The following STON2 variants were observed in gnomAD, a reference collection of about 807,000 sequenced individuals.
The protein encoded by STON2 is stonin-2.
In STON2, 29 loss-of-function variants were observed where a neutral mutation model predicts 65.7. That is an observed-to-expected ratio of 0.44 (90% CI 0.33 to 0.60). The LOEUF (loss-of-function observed/expected upper bound fraction) is 0.60, where lower values mean the gene tolerates loss of function less well. Among genes scored for constraint, STON2 ranks in the 20% least tolerant of loss-of-function variants. The pLI, the probability that STON2 is intolerant of heterozygous loss-of-function variation, is 0.03. For synonymous variants in STON2, 404 were observed against 414.2 expected (o/e 0.98, Z 0.30); for missense variants, 1,054 against 1,118.1 (o/e 0.94, Z 0.82).
chr14:81,342,546 C>G (rs899570139), intron 4 of STON2, among the ~76,000 whole-genome samples: 2 of 152,202 alleles, frequency 1.3e-5, no homozygotes, highest in Non-Finnish European at 2.9e-5. Context: ...TCCCCGTTCA[C>G]TGCACTGCTC....
At chr14:81,281,875 AC>A (rs1165652948) in intron 5 of STON2, among the ~76,000 whole-genome samples, 1 of 152,210 alleles carries the variant, frequency 6.6e-6, no homozygotes, top group Non-Finnish European at 1.5e-5. Flanking sequence ...TTTCTTTCTG[AC>A]AGTCATTAAA....
intron 5 of STON2, among the ~76,000 whole-genome samples, chr14:81,317,981 T>G (rs1896687923): frequency 6.6e-6 from 1 of 152,144 alleles, no homozygotes; most frequent in African/African-American, 2.4e-5. Context: ...GGGGTGTGTT[T>G]TTTAGGCGGA....
intron 3 of STON2, among the ~76,000 whole-genome samples, chr14:81,391,562 A>G (rs1241193026): frequency 6.6e-6 from 1 of 152,218 alleles, no homozygotes; most frequent in Non-Finnish European, 1.5e-5. Flanking sequence ...GAATTAGCTT[A>G]TGTGGGAGAG....
intron 2 of STON2, among the ~76,000 whole-genome samples, chr14:81,425,042 A>G (rs1280818530): frequency 6.6e-6 from 1 of 152,232 alleles, no homozygotes; most frequent in African/African-American, 2.4e-5. Flanking sequence ...TAACTCTTGC[A>G]AAACAGAAAA....
At chr14:81,324,374 T>C (rs1283760715) in intron 4 of STON2, among the ~76,000 whole-genome samples, 187 bp from the exon 5 acceptor site, 1 of 152,280 alleles carries the variant, frequency 6.6e-6, no homozygotes, top group Non-Finnish European at 1.5e-5. Context: ...TCAGTCTGCA[T>C]GGGCATGGGT....
intron 4 of STON2, among the ~76,000 whole-genome samples, chr14:81,340,980 T>C (rs1053602157): frequency 2.0e-5 from 3 of 152,008 alleles, no homozygotes; most frequent in African/African-American, 4.8e-5. Flanking sequence ...TTAATACTAG[T>C]AGAACAGTAG....
chr14:81,380,274 C>G (rs2140392454), intron 3 of STON2, among the ~76,000 whole-genome samples: 1 of 152,296 alleles, frequency 6.6e-6, no homozygotes, highest in African/African-American at 2.4e-5. Context: ...GAATGCAAAT[C>G]AAAACCACAA....
In STON2 at chr14:81,268,352, C is replaced by A; in HGVS notation, c.*62G>T. 7.8e-7 allele frequency: 1 copy of A among 1,284,754 alleles called. No individual in the cohort carries two copies. The highest frequency in any genetic ancestry group is 1.0e-6 in the Non-Finnish European group (1 of 986,804). 79.6% of individuals were successfully genotyped at this position (1,284,754 alleles called of 1,614,324 possible). ...TCAGCTACTCAGGAAGACACCCTAT[C>A]ATGACTCAGGAAGACACCCTATCAT... On this transcript the variant is annotated 3_prime_UTR_variant, in exon 8 of 8. Coordinates refer to ENST00000614646, the MANE Select transcript of STON2 (RefSeq NM_001394390.1).
intron 6 of STON2, 116 bp from the exon 7 acceptor site, chr14:81,270,988 T>C (rs1894563230): frequency 7.2e-7 from 1 of 1,385,558 alleles, no homozygotes; most frequent in African/African-American, 1.5e-5. Flanking sequence ...CGGCAGCCTT[T>C]CAGAGGGTCC....
In STON2 at chr14:81,267,231, A is replaced by T. The variant is rs1168576681; in HGVS notation, c.*1183T>A. 3 of 985,300 alleles carry T rather than the reference A, an allele frequency of 3.0e-6. No homozygotes were observed. Among genetic ancestry groups the T allele is most frequent in the Admixed American group, 6.2e-5 (1 of 16,260 alleles). 61.0% of individuals were successfully genotyped at this position (985,300 alleles called of 1,614,324 possible). ...TCCCAGAAACAGATGAAGAAAAAGA[A>T]GATGGAGTGAGCGTTCTGACTCTTG... On this transcript the variant is annotated 3_prime_UTR_variant, in exon 8 of 8. Transcript: ENST00000614646.
chr14:81,347,531 C>CA (rs1334508947), intron 4 of STON2, among the ~76,000 whole-genome samples: 3 of 143,662 alleles, frequency 2.1e-5, no homozygotes, highest in African/African-American at 7.7e-5. Flanking sequence ...CAAACTATTC[C>CA]AAAAAATTGA....
intron 6 of STON2, among the ~76,000 whole-genome samples, chr14:81,271,302 T>C (rs879228966): frequency 6.6e-6 from 1 of 152,196 alleles, no homozygotes; most frequent in Non-Finnish European, 1.5e-5. Flanking sequence ...AATGAATTGA[T>C]TTTCTTAATA....
At chr14:81,331,504 G>A (rs1035426246) in intron 4 of STON2, among the ~76,000 whole-genome samples, 2 of 152,116 alleles carry the variant, frequency 1.3e-5, no homozygotes, top group Non-Finnish European at 2.9e-5. Flanking sequence ...CTACTGGGAG[G>A]GGGGGTACAG....
intron 6 of STON2, among the ~76,000 whole-genome samples, chr14:81,272,204 A>C (rs113914129): frequency 1.3e-5 from 2 of 152,208 alleles, no homozygotes; most frequent in African/African-American, 4.8e-5. Flanking sequence ...CACGGGTGAC[A>C]GTGTGAGACT....
At chr14:81,299,084 T>C (rs1272781493) in intron 5 of STON2, among the ~76,000 whole-genome samples, 2 of 152,194 alleles carry the variant, frequency 1.3e-5, no homozygotes, top group African/African-American at 2.4e-5. Flanking sequence ...TCATAAGTTC[T>C]AGCCACATGG....
chr14:81,266,219 T>C lies in STON2; in HGVS notation c.*2195A>G. The C allele has an allele frequency of 2.0e-6, 1 of 500,402 alleles. No homozygotes were observed. The highest frequency in any genetic ancestry group is 1.0e-3 in the Middle Eastern group (1 of 988). The allele number at this position is 500,402 out of a possible 1,614,324, so 31.0% of individuals were successfully genotyped here. On this transcript the variant is annotated 3_prime_UTR_variant, in exon 8 of 8. Coordinates refer to ENST00000614646, the MANE Select transcript of STON2 (RefSeq NM_001394390.1). Reference sequence around the variant, plus strand: ...ACAGCACGTGGGATAGGTGGTTATTTTAACTGTTGGGCATTCACAGGAACA... The same window carrying C: ...ACAGCACGTGGGATAGGTGGTTATTCTAACTGTTGGGCATTCACAGGAACA...
At chr14:81,328,216 T>C (rs754298928) in intron 4 of STON2, among the ~76,000 whole-genome samples, 12 of 152,180 alleles carry the variant, frequency 7.9e-5, no homozygotes, top group African/African-American at 2.7e-4. Flanking sequence ...GGCTTTACTT[T>C]GTCTCAAGCT....
chr14:81,279,326 C>A (rs1339451226), intron 5 of STON2, among the ~76,000 whole-genome samples: 1 of 152,068 alleles, frequency 6.6e-6, no homozygotes, highest in Non-Finnish European at 1.5e-5. Flanking sequence ...GAGTAAAGAA[C>A]ATAGACAACT....
chr14:81,378,821 A>G (rs1371547669), intron 3 of STON2, among the ~76,000 whole-genome samples: 1 of 152,250 alleles, frequency 6.6e-6, no homozygotes, highest in Non-Finnish European at 1.5e-5. Flanking sequence ...ATAACATATT[A>G]AAAGAGAAAA....
Sources: allele counts gnomAD v4.1 joint callset (sites outside exome capture counted in the v4.1 genomes callset), GRCh38; gene constraint gnomAD v4.1.1; transcripts MANE v1.5; gene names NCBI Gene and HGNC (gene_info 2026-07-23, HGNC 2026-07-21).